CACNA1B: variants seen among roughly 807,000 people sequenced by gnomAD.
The protein encoded by CACNA1B is voltage-dependent N-type calcium channel subunit alpha-1B.
A neutral mutation model predicts 247.2 loss-of-function variants in CACNA1B; 70 were observed. The ratio of observed to expected loss-of-function variants is 0.28; its 90% CI spans 0.23 to 0.35. The LOEUF (loss-of-function observed/expected upper bound fraction) is 0.35. Ranked by LOEUF, CACNA1B falls within the 10% of genes least tolerant of loss-of-function variation. CACNA1B has a pLI of 1.00. For synonymous variants in CACNA1B, 1,231 were observed against 1,294.4 expected, an observed-to-expected ratio of 0.95 and a Z score of 1.05; for missense variants, 2,367 against 3,197.4, an observed-to-expected ratio of 0.74 and a Z score of 6.26.
Position 137,990,792 on chromosome 9 carries a change from T to A in CACNA1B, c.1974+3938T>A, listed in dbSNP as rs755593904. ...ACATCACAGGACTCTTGACAGACAC[T>A]CCCCAGTACCAGCCTGAAGCCTGGT... On this transcript the variant is annotated intron_variant, in intron 15 of 46. Coordinates refer to ENST00000371372, the MANE Select transcript of CACNA1B (RefSeq NM_000718.4). The surrounding 1 kb of genome is among the most constrained non-coding windows in gnomAD (Gnocchi z 4.5). Among the ~76,000 whole-genome samples, 2 of 152,210 alleles carry A rather than the reference T, an allele frequency of 1.3e-5. No individual in the cohort carries two copies. The highest frequency in any genetic ancestry group is 6.8e-3 in the Middle Eastern group (2 of 294).
chr9:137,956,496 A>G (rs998007178), intron 8 of CACNA1B, among the ~76,000 whole-genome samples: 23 of 152,118 alleles, frequency 1.5e-4, no homozygotes, highest in African/African-American at 2.9e-4. Flanking sequence ...CATCTCTACT[A>G]AAAATACAAA....
chr9:137,953,256 G>A (rs1957900012), intron 7 of CACNA1B, among the ~76,000 whole-genome samples: 1 of 152,228 alleles, frequency 6.6e-6, no homozygotes, highest in South Asian at 2.1e-4. Flanking sequence ...CATCAGGCCT[G>A]CCTGGCTTCC....
intron 20 of CACNA1B, among the ~76,000 whole-genome samples, chr9:138,039,922 G>A (rs2133464053): frequency 6.6e-6 from 1 of 152,206 alleles, no homozygotes; most frequent in South Asian, 2.1e-4. Context: ...TGATTGATCT[G>A]TCAATAATTT....
intron 20 of CACNA1B, among the ~76,000 whole-genome samples, 156 bp downstream of exon 20, chr9:138,025,328 C>A (rs2133442390): frequency 6.6e-6 from 1 of 152,366 alleles, no homozygotes; most frequent in Middle Eastern, 3.4e-3. Flanking sequence ...CAACATCTGT[C>A]CCTTGATGTC....
At position 138,106,890 on chromosome 9, in the gene CACNA1B, C is replaced by G. The variant is rs1209288118; in HGVS notation, c.5428+1083C>G. ...TGCTGGGGGCTCTTCCCAGCTTCAC[C>G]AGAGCTGCCCTTGGGGTCTCCAGGC... On this transcript the variant is annotated intron_variant, in intron 39 of 46. Coordinates refer to ENST00000371372, the MANE Select transcript of CACNA1B (RefSeq NM_000718.4). Among the ~76,000 whole-genome samples the G allele has an allele frequency of 2.6e-5, 4 of 152,326 alleles. No homozygotes were observed. The South Asian group carries it at 8.3e-4, about 32-fold the overall frequency.
At chr9:138,094,502 T>C (rs540110065) in intron 36 of CACNA1B, among the ~76,000 whole-genome samples, 1 of 138,392 alleles carries the variant, frequency 7.2e-6, no homozygotes, top group Non-Finnish European at 1.6e-5. Context: ...CTCCCAAATA[T>C]ACAAGAGGAG....
intron 20 of CACNA1B, among the ~76,000 whole-genome samples, chr9:138,029,554 A>G (rs1958962687): frequency 6.8e-6 from 1 of 147,382 alleles, no homozygotes; most frequent in African/African-American, 2.5e-5. Context: ...CCTCTGTTTC[A>G]GTGTTTTTCC....
chr9:137,980,263 A>C (rs1357293168), intron 12 of CACNA1B, among the ~76,000 whole-genome samples: 1 of 150,342 alleles, frequency 6.7e-6, no homozygotes, highest in Admixed American at 6.8e-5. Flanking sequence ...CTCTACCCAC[A>C]CCTATTAGGC....
rs1273306267 is a variant in CACNA1B, at chr9:137,998,977, CATTT to C, written c.1975-7786_1975-7783del. On this transcript the variant is annotated intron_variant, in intron 15 of 46. Transcript: ENST00000371372. ...ACTTGGAACATTTGCAGACTTTGAC[CATTT>C]ATTAGGTCACTCAGGAAACTTCAAC... Among the ~76,000 whole-genome samples the C allele has an allele frequency of 7.2e-5, 11 of 152,206 alleles. No individual in the cohort carries two copies. In the South Asian group the frequency reaches 1.0e-3, roughly 14 times the overall value.
chr9:137,987,468 G>A (rs1958379319), intron 15 of CACNA1B, among the ~76,000 whole-genome samples: 1 of 152,328 alleles, frequency 6.6e-6, no homozygotes, highest in Admixed American at 6.5e-5. Flanking sequence ...ACTGATGAGA[G>A]CATGCCTTGC....
rs1406896760 is a variant in CACNA1B at position 137,917,340 on chromosome 9, T to A, written c.875T>A (p.Phe292Tyr). 1 of 1,613,984 alleles carries A rather than the reference T, an allele frequency of 6.2e-7. No homozygotes were observed. Among genetic ancestry groups the A allele is most frequent in the Admixed American group, 1.7e-5 (1 of 60,022 alleles). Reference sequence around the variant, plus strand: ...CGGGAGTACTGGCCAGGACCCAACTTTGGCATCACCAACTTTGACAATATC... The same window carrying A: ...CGGGAGTACTGGCCAGGACCCAACTATGGCATCACCAACTTTGACAATATC... ...ECREYWPGPN[F>Y]GITNFDNILF... Residue 292 changes from phenylalanine (F) to tyrosine (Y), a missense_variant, in exon 6 of 47, where the codon TTT becomes TAT. Coordinates refer to ENST00000371372, the MANE Select transcript of CACNA1B (RefSeq NM_000718.4). This position sits in a 1 kb window ranked among gnomAD's most constrained non-coding sequence, Gnocchi z 5.5.
At chr9:137,927,352 A>G (rs1957563312) in intron 6 of CACNA1B, among the ~76,000 whole-genome samples, 1 of 151,490 alleles carries the variant, frequency 6.6e-6, no homozygotes, top group Non-Finnish European at 1.5e-5. Context: ...CCTCCTGAGT[A>G]GCTGGGATTA....
chr9:138,066,549 C>A (rs774389053), intron 31 of CACNA1B, among the ~76,000 whole-genome samples: 2 of 152,054 alleles, frequency 1.3e-5, no homozygotes, highest in African/African-American at 2.4e-5. Context: ...CATTGGGAGC[C>A]AGTGTGGACA....
In CACNA1B at chr9:138,054,655, C is replaced by A. The variant is rs1959428641; in HGVS notation, c.3968+649C>A. Among the ~76,000 whole-genome samples the A allele has an allele frequency of 1.3e-5, 2 of 152,202 alleles. No individual in the cohort carries two copies. The highest frequency in any genetic ancestry group is 2.9e-5 in the Non-Finnish European group (2 of 68,038). On this transcript the variant is annotated intron_variant, in intron 26 of 46. Transcript: ENST00000371372. The surrounding 1 kb of genome is among the most constrained non-coding windows in gnomAD (Gnocchi z 4.6). ...GAATGCTGCACGTGCACACGTCCGCCAGGGAGCAGTAGCAGTTTGGGGAGG... is the reference window on the plus strand; with the variant it reads ...GAATGCTGCACGTGCACACGTCCGCAAGGGAGCAGTAGCAGTTTGGGGAGG...
Position 137,954,712 on chromosome 9 carries a change from A to C in CACNA1B, c.1071-986A>C, listed in dbSNP as rs1957923450. On this transcript the variant is annotated intron_variant, in intron 7 of 46. Transcript: ENST00000371372. This position sits in a 1 kb window ranked among gnomAD's most constrained non-coding sequence, Gnocchi z 4.1. ...ACCTGGGCAGGCCTGGTCACCTTGC[A>C]CTGCCTGGGCTGTAGCAGCTCAGTG... 6.6e-6 allele frequency among the ~76,000 whole-genome samples: 1 copy of C among 151,932 alleles called. No homozygotes were observed. Among genetic ancestry groups the C allele is most frequent in the Non-Finnish European group, 1.5e-5 (1 of 67,972 alleles).
In CACNA1B at chr9:138,122,361, T is replaced by C; in HGVS notation, c.*362T>C. The C allele has an allele frequency of 3.5e-6, 1 of 284,242 alleles. No homozygotes were observed. The highest frequency in any genetic ancestry group is 6.6e-6 in the Non-Finnish European group (1 of 150,586). The allele number at this position is 284,242 out of a possible 1,614,324, so 17.6% of individuals were successfully genotyped here. On this transcript the variant is annotated 3_prime_UTR_variant, in exon 47 of 47. Transcript: ENST00000371372. Reference sequence around the variant, plus strand: ...AGCCGTTGTGAGGAGCTCTGCGTCCTGTGGGGAGCACCCTTCACGTGGCCG... The same window carrying C: ...AGCCGTTGTGAGGAGCTCTGCGTCCCGTGGGGAGCACCCTTCACGTGGCCG...
At chr9:137,909,192 G>A (rs1449883231) in intron 3 of CACNA1B, among the ~76,000 whole-genome samples, 3 of 151,998 alleles carry the variant, frequency 2.0e-5, no homozygotes, top group Non-Finnish European at 2.9e-5. Flanking sequence ...GTTTCTCCAT[G>A]TTGGTCAGGC....
chr9:138,027,556 G>A (rs1158751656), intron 20 of CACNA1B, among the ~76,000 whole-genome samples: 1 of 151,970 alleles, frequency 6.6e-6, no homozygotes, highest in Admixed American at 6.6e-5. Flanking sequence ...TAAAATTTTG[G>A]TTTGGGGCCT....
intron 42 of CACNA1B, 134 bp from the exon 43 acceptor site, chr9:138,117,812 C>G: frequency 1.6e-6 from 1 of 638,158 alleles, no homozygotes; most frequent in East Asian, 3.1e-5. Flanking sequence ...CAATTCAGTC[C>G]AGAACAGGGT....
Sources: allele counts gnomAD v4.1 joint callset (sites outside exome capture counted in the v4.1 genomes callset), GRCh38; gene constraint gnomAD v4.1.1; non-coding constraint Gnocchi (gnomAD v3.1); transcripts MANE v1.5; gene names NCBI Gene and HGNC (gene_info 2026-07-23, HGNC 2026-07-21).